Variants in BPNT1 observed in about 807,000 individuals in gnomAD.
The protein encoded by BPNT1 is 3'(2'), 5'-bisphosphate nucleotidase 1.
In BPNT1, 28 loss-of-function variants were observed where a neutral mutation model predicts 36.9. The observed-to-expected ratio is 0.76, with a 90% confidence interval of 0.56 to 1.04. BPNT1 has a LOEUF of 1.04. Among genes scored for constraint, BPNT1 ranks in the 50% least tolerant of loss-of-function variants. The pLI is 0.00. For missense variants in BPNT1, 313 were observed against 372.9 expected, an observed-to-expected ratio of 0.84 and a Z score of 1.32; for synonymous variants, 119 against 130.9, an observed-to-expected ratio of 0.91 and a Z score of 0.62.
chr1:220,070,408 C>T (rs370155775), intron 4 of BPNT1, among the ~76,000 whole-genome samples: 3 of 152,008 alleles, frequency 2.0e-5, no homozygotes, highest in Non-Finnish European at 4.4e-5. Flanking sequence ...TGCAGTGGCG[C>T]GATCTCGGCT....
chr1:220,084,526 C>A (rs1393936028), intron 1 of BPNT1, among the ~76,000 whole-genome samples: 8 of 152,036 alleles, frequency 5.3e-5, no homozygotes, highest in Admixed American at 5.2e-4. Context: ...TGTTCGTATG[C>A]TCCTTCAATT....
intron 1 of BPNT1, among the ~76,000 whole-genome samples, chr1:220,086,567 C>T (rs1283606939): frequency 1.3e-5 from 2 of 151,686 alleles, no homozygotes; most frequent in African/African-American, 4.8e-5. Flanking sequence ...AGCCACCATG[C>T]CTGGTCTGAG....
Position 220,062,782 on chromosome 1 carries a change from A to G in BPNT1, c.647T>C (p.Leu216Pro), listed in dbSNP as rs754593008. 6.2e-7 allele frequency: 1 copy of G among 1,614,206 alleles called. No homozygotes were observed. The highest frequency in any genetic ancestry group is 1.6e-4 in the Middle Eastern group (1 of 6,062). The change falls in exon 7 of 9, where the codon CTG (leucine) becomes CCG (proline). Residue 216 changes from leucine to proline, a missense_variant. Coordinates refer to ENST00000322067, the MANE Select transcript of BPNT1 (RefSeq NM_006085.6). Reference protein sequence around the residue: ...CVAAMNPDAVLRVGGAGNKII... With the variant: ...CVAAMNPDAVPRVGGAGNKII... The stretch of plus-strand genomic sequence containing the variant: ...CTTATTTCCTGCTCCTCCTACTCGC[A>G]GCACAGCATCGGGGTTCATAGCAGC...
chr1:220,057,776 CAT>C lies in BPNT1; in HGVS notation c.*1066_*1067del. On this transcript the variant is annotated 3_prime_UTR_variant, in exon 9 of 9. Transcript: ENST00000322067. ...AAAAACTTTTCTCATAAATCTGTTT[CAT>C]AAGCATATATAATAACATCATATAT... 1 of 997,462 alleles carries C rather than the reference CAT, an allele frequency of 1.0e-6. No homozygotes were observed. The highest frequency in any genetic ancestry group is 1.4e-6 in the Non-Finnish European group (1 of 728,134). 61.8% of individuals were successfully genotyped at this position (997,462 alleles called of 1,614,324 possible).
At chr1:220,083,206 C>T (rs1488914006) in intron 1 of BPNT1, among the ~76,000 whole-genome samples, 9 of 145,906 alleles carry the variant, frequency 6.2e-5, no homozygotes, top group Non-Finnish European at 9.0e-5. Context: ...CAGTGCACTC[C>T]AGCCTGGGCG....
rs1664011624 is a variant in BPNT1 at position 220,070,975 on chromosome 1, T to A, written c.334-1543A>T. On this transcript the variant is annotated intron_variant, in intron 4 of 8. Coordinates refer to ENST00000322067, the MANE Select transcript of BPNT1 (RefSeq NM_006085.6). ...CAACATGGAGAATCCCCGTCTCTTCTAAAAATACAAAATTAGCTGGGCGTG... is the reference window on the plus strand; with the variant it reads ...CAACATGGAGAATCCCCGTCTCTTCAAAAAATACAAAATTAGCTGGGCGTG... 2.0e-5 allele frequency among the ~76,000 whole-genome samples: 3 copies of A among 150,936 alleles called. 1 individual carries two copies. The South Asian group carries it at 6.3e-4, about 32-fold the overall frequency.
intron 7 of BPNT1, among the ~76,000 whole-genome samples, chr1:220,060,462 C>T (rs547571875): frequency 9.2e-5 from 14 of 151,914 alleles, no homozygotes; most frequent in Non-Finnish European, 1.8e-4. Context: ...GGCGACAGAG[C>T]GAGACTCTGT....
At chr1:220,074,578 C>T (rs1664373361) in intron 2 of BPNT1, among the ~76,000 whole-genome samples, 1 of 151,818 alleles carries the variant, frequency 6.6e-6, no homozygotes, top group Non-Finnish European at 1.5e-5. Flanking sequence ...TCACTGCAAA[C>T]TCTGCCTCCT....
chr1:220,081,282 C>G (rs1256819053), intron 1 of BPNT1, among the ~76,000 whole-genome samples: 1 of 152,106 alleles, frequency 6.6e-6, no homozygotes, highest in African/African-American at 2.4e-5. Flanking sequence ...GTGACTAACG[C>G]CTGTAATCCC....
chr1:220,074,017 A>G lies in BPNT1; in HGVS notation c.175T>C (p.Cys59Arg). 6.2e-7 allele frequency: 1 copy of G among 1,614,162 alleles called. No individual in the cohort carries two copies. The highest frequency in any genetic ancestry group is 8.5e-7 in the Non-Finnish European group (1 of 1,180,006). The change falls in exon 3 of 9, where the codon TGT becomes CGT. Residue 59 changes from cysteine to arginine, a missense_variant. Physicochemically the swap from Cys to Arg is radical, Grantham distance 180 (BLOSUM62 -3). Coordinates refer to ENST00000322067, the MANE Select transcript of BPNT1 (RefSeq NM_006085.6). Reference sequence around the variant, plus strand: ...GGGAATTTCCGGGCCAATGAAGAACATATGCTCATCTGTGCCAATCGGTCA... The same window carrying G: ...GGGAATTTCCGGGCCAATGAAGAACGTATGCTCATCTGTGCCAATCGGTCA... ...KADRLAQMSI[C>R]SSLARKFPKL... is the part of the protein sequence containing the mutation.
chr1:220,063,070 C>T (rs1383872148), intron 6 of BPNT1, 116 bp from the exon 7 acceptor site: 4 of 1,163,590 alleles, frequency 3.4e-6, no homozygotes, highest in South Asian at 1.4e-5. Context: ...ACATGATAGC[C>T]GGGCGCGGTG....
Position 220,059,726 on chromosome 1 carries a change from C to T in BPNT1, c.738G>A (p.Trp246Ter). ...YVFASPGCKK[W>*]DTCAPEVILH... ...AAATAACTTCTGGAGCACAAGTATCCCACTTCTTACAACCAGGACTTGCAA... is the reference window on the plus strand; with the variant it reads ...AAATAACTTCTGGAGCACAAGTATCTCACTTCTTACAACCAGGACTTGCAA... The change falls in exon 8 of 9, where the codon TGG (tryptophan) becomes TGA (stop). Residue 246 changes from tryptophan to a stop codon, truncating the protein, a stop_gained. Coordinates refer to ENST00000322067, the MANE Select transcript of BPNT1 (RefSeq NM_006085.6). LOFTEE classifies it high-confidence loss of function. 1 of 1,611,348 alleles carries T rather than the reference C, an allele frequency of 6.2e-7. No individual in the cohort carries two copies. The highest frequency in any genetic ancestry group is 8.5e-7 in the Non-Finnish European group (1 of 1,179,134).
At chr1:220,068,210 G>A (rs190287144) in intron 5 of BPNT1, among the ~76,000 whole-genome samples, 34 of 151,822 alleles carry the variant, frequency 2.2e-4, no homozygotes, top group Non-Finnish European at 3.8e-4. Context: ...TTGAAACAGA[G>A]TCTTGCTCTG....
At chr1:220,080,363 C>T (rs1664991096) in intron 1 of BPNT1, among the ~76,000 whole-genome samples, 1 of 152,058 alleles carries the variant, frequency 6.6e-6, no homozygotes, top group Non-Finnish European at 1.5e-5. Flanking sequence ...TGTATTAGTC[C>T]ATTTTCATAC....
chr1:220,059,113 T>C, intron 8 of BPNT1, 121 bp from the exon 9 acceptor site: 1 of 913,784 alleles, frequency 1.1e-6, no homozygotes, highest in Non-Finnish European at 1.6e-6. Flanking sequence ...CTGGATGAAA[T>C]AATGAGTGTC....
At chr1:220,074,388 T>C (rs1664353415) in intron 2 of BPNT1, among the ~76,000 whole-genome samples, 2 of 152,240 alleles carry the variant, frequency 1.3e-5, no homozygotes, top group Admixed American at 6.5e-5. Context: ...GCAAAGTTAA[T>C]AGTTATTAGA....
At chr1:220,073,539 G>T (rs1017228963) in intron 3 of BPNT1, among the ~76,000 whole-genome samples, 2 of 152,060 alleles carry the variant, frequency 1.3e-5, no homozygotes, top group African/African-American at 4.8e-5. Flanking sequence ...TGATTCGCCC[G>T]CCTCAGCCTC....
At position 220,058,739 on chromosome 1, in the gene BPNT1, G is replaced by A. The variant is rs999962720; in HGVS notation, c.*105C>T. The A allele has an allele frequency of 2.6e-6, 3 of 1,170,308 alleles. No individual in the cohort carries two copies. The highest frequency in any genetic ancestry group is 4.8e-5 in the East Asian group (2 of 41,424). The allele number at this position is 1,170,308 out of a possible 1,614,324, so 72.5% of individuals were successfully genotyped here. A position where few individuals can be genotyped will look rare whatever the true frequency, so the allele number is the denominator to read the frequency against. On this transcript the variant is annotated 3_prime_UTR_variant, in exon 9 of 9. Coordinates refer to ENST00000322067, the MANE Select transcript of BPNT1 (RefSeq NM_006085.6). Reference sequence around the variant, plus strand: ...AGATGGGGTCTCACGATATTGCCCAGGCTGGTCTCAAACTCCTGAGCTCAA... The same window carrying A: ...AGATGGGGTCTCACGATATTGCCCAAGCTGGTCTCAAACTCCTGAGCTCAA...
chr1:220,075,986 T>C (rs1168683833), intron 2 of BPNT1, among the ~76,000 whole-genome samples: 1 of 152,208 alleles, frequency 6.6e-6, no homozygotes, highest in Non-Finnish European at 1.5e-5. Flanking sequence ...ATTCAAAATA[T>C]TGGCAATGGT....
Sources: gnomAD v4.1 joint callset for allele counts (sites outside exome capture counted in the v4.1 genomes callset) on GRCh38, gnomAD v4.1.1 for gene constraint, MANE v1.5 for transcripts, NCBI Gene and HGNC (gene_info 2026-07-23, HGNC 2026-07-21) for gene names.